Variants in MCTP1 observed in about 807,000 individuals in gnomAD.
The protein encoded by MCTP1 is multiple C2 and transmembrane domain-containing protein 1.
Under a neutral mutation model 120.6 loss-of-function variants are expected in MCTP1, and 69 were observed. The ratio of observed to expected loss-of-function variants is 0.57; its 90% CI spans 0.47 to 0.70. The LOEUF (loss-of-function observed/expected upper bound fraction) is 0.70, where lower values mean the gene tolerates loss of function less well. MCTP1 is among the 30% of genes least tolerant of loss of function. The pLI, the probability that MCTP1 is intolerant of heterozygous loss-of-function variation, is 0.00. For missense variants in MCTP1, 1,203 were observed against 1,248.8 expected, an observed-to-expected ratio of 0.96 and a Z score of 0.55; for synonymous variants, 529 against 493.1, an observed-to-expected ratio of 1.07 and a Z score of -0.96.
intron 2 of MCTP1, among the ~76,000 whole-genome samples, chr5:94,953,814 T>C (rs919940346): frequency 3.7e-4 from 30 of 81,032 alleles, no homozygotes; most frequent in South Asian, 7.9e-4. Flanking sequence ...CATATATATA[T>C]ACAAATATAT....
At chr5:95,094,346 A>C (rs536535183) in intron 1 of MCTP1, among the ~76,000 whole-genome samples, 2 of 152,330 alleles carry the variant, frequency 1.3e-5, no homozygotes, top group African/African-American at 4.8e-5. Context: ...CCTTGAGGTC[A>C]TGAATGATTT....
chr5:95,117,164 G>T (rs1757879697), intron 1 of MCTP1, among the ~76,000 whole-genome samples: 1 of 152,038 alleles, frequency 6.6e-6, no homozygotes, highest in Admixed American at 6.6e-5. Flanking sequence ...GCCAAGGCGG[G>T]TGGATCACGA....
chr5:94,901,587 C>T (rs1474521826), intron 10 of MCTP1, among the ~76,000 whole-genome samples: 1 of 151,868 alleles, frequency 6.6e-6, no homozygotes, highest in Non-Finnish European at 1.5e-5. Context: ...TCCTGACTTC[C>T]ATATCAGAGC....
At chr5:95,045,500 G>A (rs1352482425) in intron 1 of MCTP1, among the ~76,000 whole-genome samples, 2 of 152,148 alleles carry the variant, frequency 1.3e-5, no homozygotes, top group African/African-American at 2.4e-5. Flanking sequence ...TCCTAGAGTC[G>A]ATGAAAGCTA....
intron 19 of MCTP1, among the ~76,000 whole-genome samples, chr5:94,777,078 C>T (rs996517743): frequency 7.2e-5 from 11 of 152,030 alleles, no homozygotes; most frequent in African/African-American, 2.2e-4. Context: ...CCTTTTTTAT[C>T]GCTCAAATAA....
chr5:95,240,213 C>A (rs147823612), intron 1 of MCTP1, among the ~76,000 whole-genome samples: 3 of 152,170 alleles, frequency 2.0e-5, no homozygotes, highest in Admixed American at 2.0e-4. Context: ...TTTTGGAATT[C>A]AACATTTGAC....
chr5:94,787,991 A>G lies in MCTP1; in HGVS notation c.2557-8828T>C, dbSNP rs145984616. ...AGTAGAAGGTTTGGAATTTAATCCC[A>G]GATCTTCCGAATTTCAAAGCTTGGG... On this transcript the variant is annotated intron_variant, in intron 18 of 22. Transcript: ENST00000515393. Among the ~76,000 whole-genome samples the G allele has an allele frequency of 3.1e-3, 468 of 152,336 alleles. 1 individual carries two copies. The highest frequency in any genetic ancestry group is 0.011 in the African/African-American group (438 of 41,586).
At chr5:95,132,291 T>C (rs944462216) in intron 1 of MCTP1, among the ~76,000 whole-genome samples, 2 of 152,210 alleles carry the variant, frequency 1.3e-5, no homozygotes, top group African/African-American at 4.8e-5. Context: ...CACTTGCTGA[T>C]TTAATTAATT....
At chr5:95,042,607 T>C (rs936362510) in intron 1 of MCTP1, among the ~76,000 whole-genome samples, 2 of 152,202 alleles carry the variant, frequency 1.3e-5, no homozygotes, top group African/African-American at 4.8e-5. Context: ...CTAAACAATA[T>C]ACAAAAGTAA....
chr5:95,144,946 A>G (rs1485568788), intron 1 of MCTP1, among the ~76,000 whole-genome samples: 3 of 152,084 alleles, frequency 2.0e-5, no homozygotes, highest in Non-Finnish European at 4.4e-5. Flanking sequence ...AATGACGTTG[A>G]TATTTTGATA....
At chr5:95,172,871 G>C (rs567581252) in intron 1 of MCTP1, among the ~76,000 whole-genome samples, 1 of 152,278 alleles carries the variant, frequency 6.6e-6, no homozygotes, top group African/African-American at 2.4e-5. Flanking sequence ...AGGGCTCTGA[G>C]AGAACACAAT....
chr5:95,226,471 G>T (rs1754282778), intron 1 of MCTP1, among the ~76,000 whole-genome samples: 1 of 152,082 alleles, frequency 6.6e-6, no homozygotes, highest in Admixed American at 6.6e-5. Flanking sequence ...ACAGGTGCAG[G>T]ATTTTTCATT....
rs563700368 is a variant in MCTP1, at chr5:94,861,798, T to C, written c.2436+6535A>G. On this transcript the variant is annotated intron_variant, in intron 17 of 22. Coordinates refer to ENST00000515393, the MANE Select transcript of MCTP1 (RefSeq NM_024717.7). ...TATTTAATAATTTTTTGATCCTTAG[T>C]CAACTCAGTTGTAAAATATTGACCA... is the stretch of plus-strand genomic sequence containing the variant. 3.9e-5 allele frequency among the ~76,000 whole-genome samples: 6 copies of C among 151,920 alleles called. No homozygotes were observed. In the South Asian group the frequency reaches 1.2e-3, roughly 31 times the overall value.
At chr5:94,920,269 C>T (rs1811207442) in intron 7 of MCTP1, among the ~76,000 whole-genome samples, 1 of 115,036 alleles carries the variant, frequency 8.7e-6, no homozygotes, top group Admixed American at 1.1e-4. Flanking sequence ...CTTACAGAGA[C>T]CTGTTTTTTT....
chr5:95,140,342 G>A (rs547398083), intron 1 of MCTP1, among the ~76,000 whole-genome samples: 73 of 152,138 alleles, frequency 4.8e-4, no homozygotes, highest in African/African-American at 1.7e-3. Context: ...AGTAACACGG[G>A]AAAAAATGCA....
chr5:95,193,632 C>T (rs553574558), intron 1 of MCTP1, among the ~76,000 whole-genome samples: 1 of 152,006 alleles, frequency 6.6e-6, no homozygotes, highest in African/African-American at 2.4e-5. Context: ...GGATAAACTA[C>T]GAACCATTAA....
chr5:95,162,390 C>T (rs971505406), intron 1 of MCTP1, among the ~76,000 whole-genome samples: 1 of 152,032 alleles, frequency 6.6e-6, no homozygotes, highest in Non-Finnish European at 1.5e-5. Flanking sequence ...TTGGCCTTAA[C>T]TTGTAGGAGA....
intron 1 of MCTP1, among the ~76,000 whole-genome samples, chr5:95,231,088 T>C (rs1754886196): frequency 6.6e-6 from 1 of 152,178 alleles, no homozygotes; most frequent in South Asian, 2.1e-4. Context: ...TTATTGCTTT[T>C]TGCATACAGT....
In MCTP1 at chr5:94,994,021, C is replaced by T. The variant is rs369624030; in HGVS notation, c.838+23346G>A. Among the ~76,000 whole-genome samples, 32 of 152,266 alleles carry T rather than the reference C, an allele frequency of 2.1e-4. No individual in the cohort carries two copies. The South Asian group carries it at 6.6e-3, about 32-fold the overall frequency. On this transcript the variant is annotated intron_variant, in intron 2 of 22. Transcript: ENST00000515393. ...AGATGTCAACCTTTCGATTAAGGAACAACACAAGAACACGCAAGATTCTGT... is the reference window on the plus strand; with the variant it reads ...AGATGTCAACCTTTCGATTAAGGAATAACACAAGAACACGCAAGATTCTGT...
Sources: gnomAD v4.1 joint callset for allele counts (sites outside exome capture counted in the v4.1 genomes callset) on GRCh38, gnomAD v4.1.1 for gene constraint, MANE v1.5 for transcripts, NCBI Gene and HGNC (gene_info 2026-07-23, HGNC 2026-07-21) for gene names.